Variants in RNF44 observed in about 807,000 individuals in gnomAD.
RNF44 encodes ring finger protein 44.
RNF44 carries 25 observed loss-of-function variants against 53.6 expected under a neutral mutation model. The observed-to-expected ratio is 0.47, with a 90% CI of 0.34 to 0.65. The LOEUF is 0.65. RNF44 is among the 30% of genes least tolerant of loss of function. The pLI, the probability that RNF44 is intolerant of heterozygous loss-of-function variation, is 0.01. For synonymous variants in RNF44, 282 were observed against 252.2 expected (o/e 1.12, Z -1.12); for missense variants, 581 against 595.5 (o/e 0.98, Z 0.25).
At position 176,528,279 on chromosome 5, in the gene RNF44, AGAG is replaced by A. The variant is rs1385854936; in HGVS notation, c.*746_*748del. 1 of 152,240 alleles carries A rather than the reference AGAG, an allele frequency of 6.6e-6. No individual in the cohort carries two copies. The highest frequency in any genetic ancestry group is 1.5e-5 in the Non-Finnish European group (1 of 68,038). 9.4% of individuals were successfully genotyped at this position (152,240 alleles called of 1,614,324 possible). ...CACGTTCATGCAAAACAACAGAGGG[AGAG>A]GAGATTGGGCACGGGTCTGGCTGCA... On this transcript the variant is annotated 3_prime_UTR_variant, in exon 11 of 11. Coordinates refer to ENST00000274811, the MANE Select transcript of RNF44 (RefSeq NM_014901.5).
At position 176,529,513 on chromosome 5, in the gene RNF44, G is replaced by T. The variant is rs1756358230; in HGVS notation, c.1136+10C>A. 3.1e-6 allele frequency: 5 copies of T among 1,613,762 alleles called. No homozygotes were observed. Among genetic ancestry groups the T allele is most frequent in the African/African-American group, 1.3e-5 (1 of 74,928 alleles). Reference sequence around the variant, plus strand: ...GTTCAGAGGGGTGGGAGGTGGGGCAGGGTACTCACAGCGTCTGCTCCGACT... The same window carrying T: ...GTTCAGAGGGGTGGGAGGTGGGGCATGGTACTCACAGCGTCTGCTCCGACT... On this transcript the variant is annotated intron_variant, in intron 9 of 10. Coordinates refer to ENST00000274811, the MANE Select transcript of RNF44 (RefSeq NM_014901.5).
At chr5:176,536,590 G>C (rs1456854884) in intron 1 of RNF44, among the ~76,000 whole-genome samples, 2 of 152,178 alleles carry the variant, frequency 1.3e-5, no homozygotes, top group Non-Finnish European at 2.9e-5. Context: ...CGGGAGGCGA[G>C]ACTGCAGCGC....
chr5:176,538,522 A>G (rs1757364643), upstream of RNF44, among the ~76,000 whole-genome samples: 1 of 152,196 alleles, frequency 6.6e-6, no homozygotes, highest in South Asian at 2.1e-4. Context: ...AATATCCAAG[A>G]GCTGGAACAG....
rs1447003827 is a variant in RNF44, at chr5:176,529,102, T to C, written c.1237-12A>G. 5.6e-6 allele frequency: 9 copies of C among 1,612,952 alleles called. No individual in the cohort carries two copies. In the East Asian group the frequency reaches 8.9e-5, roughly 16 times the overall value. ...CACGTCCGGTTGGCCTGTGGGAACA[T>C]GCACGTCAGGCGTTGCTCTCACCAG... On this transcript the variant is annotated splice_polypyrimidine_tract_variant and intron_variant, in intron 10 of 10. Transcript: ENST00000274811.
rs143958866 is a variant in RNF44 at position 176,531,469 on chromosome 5, C to G, written c.459G>C (p.Pro153=). The G allele has an allele frequency of 1.9e-6, 3 of 1,558,174 alleles. No homozygotes were observed. The highest frequency in any genetic ancestry group is 1.7e-4 in the Middle Eastern group (1 of 5,802). The part of the protein sequence containing the change: ...SGQHYPLCCL[P]PPLIQACTMQ... ...GCTAGAAACACTCACTCACCGGGGG[C>G]GGGAGGCAGCAGAGGGGGTAATGCT... Residue 153 remains proline, a synonymous_variant, in exon 4 of 11, where the codon CCG becomes CCC. Transcript: ENST00000274811. The surrounding 1 kb of genome is among the most constrained non-coding windows in gnomAD (Gnocchi z 4.2).
At chr5:176,536,688 G>A (rs1159744442) in intron 1 of RNF44, among the ~76,000 whole-genome samples, 1 of 152,082 alleles carries the variant, frequency 6.6e-6, no homozygotes, top group Non-Finnish European at 1.5e-5. Context: ...GGAAGTGGCG[G>A]CCGCAGGGGG....
At chr5:176,540,523 G>A (rs1006863267), upstream of RNF44, among the ~76,000 whole-genome samples, 4 of 152,178 alleles carry the variant, frequency 2.6e-5, no homozygotes, top group Non-Finnish European at 2.9e-5. Flanking sequence ...CTGCCCTGCC[G>A]GCTTGCGCTG....
At position 176,529,014 on chromosome 5, in the gene RNF44, G is replaced by C. The variant is rs368139985; in HGVS notation, c.*14C>G. 3 of 1,609,500 alleles carry C rather than the reference G, an allele frequency of 1.9e-6. No homozygotes were observed. The highest frequency in any genetic ancestry group is 2.5e-6 in the Non-Finnish European group (3 of 1,178,436). On this transcript the variant is annotated 3_prime_UTR_variant, in exon 11 of 11. Coordinates refer to ENST00000274811, the MANE Select transcript of RNF44 (RefSeq NM_014901.5). ...CTTCAGGCAGGGTTCTCCCGGGCAG[G>C]CGGCTGCGTGGCCTCACTCAGCCTC...
chr5:176,529,058 G>T lies in RNF44; in HGVS notation c.1269C>A (p.Asp423Glu). ...CAGCCTCCCTGGGCACCTCGGAGGCGTCGGCCCGGCAGATGGGACACGTCC... is the reference window on the plus strand; with the variant it reads ...CAGCCTCCCTGGGCACCTCGGAGGCTTCGGCCCGGCAGATGGGACACGTCC... ...ANRTCPICRA[D>E]ASEVPREAE The change falls in exon 11 of 11, where the codon GAC (aspartate) becomes GAA (glutamate). Residue 423 changes from aspartate to glutamate, a missense_variant. Physicochemically the swap from Asp to Glu is conservative, Grantham distance 45. Transcript: ENST00000274811. 6.2e-7 allele frequency: 1 copy of T among 1,612,994 alleles called. No homozygotes were observed.
rs368681377 is a variant in RNF44 at position 176,530,894 on chromosome 5, G to A, written c.593C>T (p.Ala198Val). The A allele has an allele frequency of 1.6e-5, 16 of 984,116 alleles. No homozygotes were observed. Among genetic ancestry groups the A allele is most frequent in the South Asian group, 3.8e-5 (1 of 26,226 alleles). The allele number at this position is 984,116 out of a possible 1,614,324, so 61.0% of individuals were successfully genotyped here. ...PAPPPQPTHM[A>V]PLGQFVSLQT... The stretch of plus-strand genomic sequence containing the variant: ...CAGAGACACAAACTGCCCCAGGGGC[G>A]CCATGTGGGTGGGCTGGGGGGGTGG... Residue 198 changes from alanine (A) to valine (V), a missense_variant, in exon 5 of 11, where the codon GCG becomes GTG. By Grantham distance (64) the Ala-to-Val change is moderately conservative. This residue lies in a region of RNF44 where 387 missense variants were observed against 366.0 expected (regional missense o/e 1.06). Transcript: ENST00000274811.
rs1395832418 is a variant in RNF44 at position 176,529,402 on chromosome 5, G to C, written c.1137-15C>G. On this transcript the variant is annotated splice_polypyrimidine_tract_variant and intron_variant, in intron 9 of 10. Transcript: ENST00000274811. The stretch of plus-strand genomic sequence containing the variant: ...AGACCACACACCTGTGGAGGGGCGC[G>C]GAGCGTCACCTCCACGCTGAGGGCC... 1 of 1,607,074 alleles carries C rather than the reference G, an allele frequency of 6.2e-7. No individual in the cohort carries two copies.
At position 176,528,954 on chromosome 5, in the gene RNF44, C is replaced by T. The variant is rs1266369882; in HGVS notation, c.*74G>A. 6.2e-6 allele frequency: 9 copies of T among 1,452,200 alleles called. No homozygotes were observed. The highest frequency in any genetic ancestry group is 1.2e-5 in the South Asian group (1 of 81,204). The allele number at this position is 1,452,200 out of a possible 1,614,324, so 90.0% of individuals were successfully genotyped here. ...GGGCAGGCCTGGGCCACTCCCTCCCCATCCTCCCTGGGCCCCACCCACAAG... is the reference window on the plus strand; with the variant it reads ...GGGCAGGCCTGGGCCACTCCCTCCCTATCCTCCCTGGGCCCCACCCACAAG... On this transcript the variant is annotated 3_prime_UTR_variant, in exon 11 of 11. Transcript: ENST00000274811.
Position 176,530,178 on chromosome 5 carries a change from A to G in RNF44, c.830T>C (p.Leu277Pro), listed in dbSNP as rs912587926. The G allele has an allele frequency of 1.5e-6, 2 of 1,309,582 alleles. No individual in the cohort carries two copies. Among genetic ancestry groups the G allele is most frequent in the Non-Finnish European group, 2.0e-6 (2 of 1,024,880 alleles). The allele number at this position is 1,309,582 out of a possible 1,614,324, so 81.1% of individuals were successfully genotyped here. ...VPYSHMMPRR[L>P]STQRYRLQQP... is the part of the protein sequence containing the mutation. ...CTGCAGGCGGTATCTCTGGGTGCTC[A>G]GTCTCCGTGGCATCATGTGAGAATA... The change falls in exon 7 of 11, where the codon CTG becomes CCG. Residue 277 changes from leucine (L) to proline (P), a missense_variant. Coordinates refer to ENST00000274811, the MANE Select transcript of RNF44 (RefSeq NM_014901.5).
In RNF44 at chr5:176,530,640, G is replaced by A. The variant is rs138338315; in HGVS notation, c.743C>T (p.Ser248Leu). The A allele has an allele frequency of 1.6e-5, 24 of 1,521,106 alleles. No individual in the cohort carries two copies. The highest frequency in any genetic ancestry group is 5.0e-5 in the South Asian group (4 of 80,360). 94.2% of individuals were successfully genotyped at this position (1,521,106 alleles called of 1,614,324 possible). Residue 248 changes from serine to leucine, a missense_variant, in exon 6 of 11, where the codon TCG (serine) becomes TTG (leucine). Physicochemically the swap from Ser to Leu is moderately radical, Grantham distance 145. Transcript: ENST00000274811. ...TSAPGPALSP[S>L]VPLHYLPHDP... ...GTGGGGCAGGTAGTGCAGGGGCACC[G>A]ACGGGGAAAGGGCTGGGCCAGGCGC...
intron 1 of RNF44, among the ~76,000 whole-genome samples, chr5:176,533,753 T>C (rs1272525706): frequency 2.6e-5 from 4 of 152,224 alleles, no homozygotes; most frequent in South Asian, 2.1e-4. Flanking sequence ...TCGAGGGACC[T>C]GGCTCAACCT....
chr5:176,529,236 T>TC (rs772373158), intron 10 of RNF44, 52 bp downstream of exon 10: 110 of 1,568,594 alleles, frequency 7.0e-5, no homozygotes, highest in Non-Finnish European at 9.1e-5. Context: ...GGCCAGCCCA[T>TC]CCCCCCGTCA....
At chr5:176,543,040 C>A in the RNF44 span, among the ~76,000 whole-genome samples, 1 of 151,978 alleles carries the variant, frequency 6.6e-6, no homozygotes, top group Non-Finnish European at 1.5e-5. This position sits in a 1 kb window ranked among gnomAD's most constrained non-coding sequence, Gnocchi z 4.0. Flanking sequence ...CCCCGGGGCT[C>A]CCCGAGTTGG....
chr5:176,539,925 C>T (rs1222523448), upstream of RNF44, among the ~76,000 whole-genome samples: 1 of 152,184 alleles, frequency 6.6e-6, no homozygotes, highest in Non-Finnish European at 1.5e-5. Flanking sequence ...TGCCACCTTC[C>T]TGCCTTTGCT....
intron 1 of RNF44, among the ~76,000 whole-genome samples, chr5:176,532,743 G>A (rs1380337265): frequency 2.4e-3 from 5 of 2,106 alleles, no homozygotes; most frequent in Admixed American, 9.4e-3. Flanking sequence ...CGAGACTCCC[G>A]TCTCAAAAAA....
Sources: gnomAD v4.1 joint callset for allele counts (sites outside exome capture counted in the v4.1 genomes callset) on GRCh38, gnomAD v4.1.1 for gene constraint, gnomAD v4.1.1 regional missense constraint, Gnocchi (gnomAD v3.1) non-coding constraint, MANE v1.5 for transcripts, NCBI Gene and HGNC (gene_info 2026-07-23, HGNC 2026-07-21) for gene names.